The following CACNA2D3 variants were observed in gnomAD, a reference collection of about 807,000 sequenced individuals.
CACNA2D3 encodes the protein calcium voltage-gated channel auxiliary subunit alpha2delta 3, also known as voltage-dependent calcium channel subunit alpha-2/delta-3.
Under a neutral mutation model 160.6 loss-of-function variants are expected in CACNA2D3, and 60 were observed. That is an observed-to-expected ratio of 0.37 (90% CI 0.30 to 0.46). The LOEUF (loss-of-function observed/expected upper bound fraction) is 0.46, where lower values mean the gene tolerates loss of function less well. Among genes scored for constraint, CACNA2D3 ranks in the 20% least tolerant of loss-of-function variants. CACNA2D3 has a pLI of 1.00. For missense variants in CACNA2D3, 1,205 were observed against 1,365.0 expected, an observed-to-expected ratio of 0.88 and a Z score of 1.85; for synonymous variants, 558 against 492.9, an observed-to-expected ratio of 1.13 and a Z score of -1.75.
At chr3:54,363,183 G>A (rs1698772588) in intron 3 of CACNA2D3, among the ~76,000 whole-genome samples, 1 of 150,620 alleles carries the variant, frequency 6.6e-6, no homozygotes. Context: ...GATAGAGCGA[G>A]ACTCCATCTC....
chr3:54,766,703 A>G (rs1483657176), intron 13 of CACNA2D3, among the ~76,000 whole-genome samples: 1 of 152,158 alleles, frequency 6.6e-6, no homozygotes, highest in Non-Finnish European at 1.5e-5. Flanking sequence ...ATGCCCAAAC[A>G]TAAGAGATTG....
chr3:55,027,209 G>A (rs753530820), intron 35 of CACNA2D3, among the ~76,000 whole-genome samples: 2 of 152,132 alleles, frequency 1.3e-5, no homozygotes, highest in Non-Finnish European at 2.9e-5. Flanking sequence ...ATATAAAAAA[G>A]GACCCATAAA....
intron 31 of CACNA2D3, 36 bp downstream of exon 31, chr3:54,987,789 AGTT>A: frequency 6.7e-6 from 10 of 1,489,826 alleles, no homozygotes; most frequent in Non-Finnish European, 9.1e-6. Flanking sequence ...TCCCCCCAAA[AGTT>A]TTCCTAAATA....
chr3:54,878,467 C>G (rs1002935347), intron 18 of CACNA2D3, among the ~76,000 whole-genome samples: 5 of 152,042 alleles, frequency 3.3e-5, no homozygotes, highest in African/African-American at 9.7e-5. Flanking sequence ...CGCTCCTGTT[C>G]ACTGCCTCAT....
chr3:54,610,167 A>G (rs1698719508), intron 9 of CACNA2D3, among the ~76,000 whole-genome samples: 1 of 152,170 alleles, frequency 6.6e-6, no homozygotes, highest in African/African-American at 2.4e-5. Flanking sequence ...CAGTGACCTC[A>G]TATTAACTTA....
intron 35 of CACNA2D3, among the ~76,000 whole-genome samples, chr3:55,045,152 G>A (rs1704047831): frequency 6.6e-6 from 1 of 152,140 alleles, no homozygotes; most frequent in African/African-American, 2.4e-5. Flanking sequence ...AGGTTCAAGT[G>A]ATTCTCCTGC....
chr3:54,803,261 C>T (rs552862113), intron 13 of CACNA2D3, among the ~76,000 whole-genome samples: 9 of 152,206 alleles, frequency 5.9e-5, no homozygotes, highest in Non-Finnish European at 1.3e-4. Context: ...CAAACTACTC[C>T]GAGCTACAGG....
At chr3:54,759,379 A>G (rs1396566566) in intron 12 of CACNA2D3, among the ~76,000 whole-genome samples, 1 of 152,070 alleles carries the variant, frequency 6.6e-6, no homozygotes, top group East Asian at 1.9e-4. Flanking sequence ...ACAGAGGGAA[A>G]ACAAGGGAAG....
At chr3:55,059,422 C>A (rs1239612594) in intron 35 of CACNA2D3, among the ~76,000 whole-genome samples, 4 of 152,210 alleles carry the variant, frequency 2.6e-5, no homozygotes, top group Non-Finnish European at 4.4e-5. Flanking sequence ...TCTGACCCCC[C>A]TCGCAGGAAG....
At chr3:54,855,839 C>T (rs1332488733) in intron 17 of CACNA2D3, among the ~76,000 whole-genome samples, 3 of 152,212 alleles carry the variant, frequency 2.0e-5, no homozygotes, top group African/African-American at 4.8e-5. Context: ...ATCCCAAAGT[C>T]TGGGAACCAC....
intron 25 of CACNA2D3, chr3:54,894,731 GT>G: frequency 2.2e-6 from 1 of 460,866 alleles, no homozygotes; most frequent in Non-Finnish European, 4.4e-6. Context: ...CACCGTCCAG[GT>G]CAGGTTTATG....
intron 5 of CACNA2D3, among the ~76,000 whole-genome samples, chr3:54,557,589 A>G (rs1702259951): frequency 6.6e-6 from 1 of 152,164 alleles, no homozygotes; most frequent in Non-Finnish European, 1.5e-5. Flanking sequence ...CTTTTTGTGG[A>G]AGGTTTTTAT....
chr3:54,707,050 T>G (rs931521856), intron 11 of CACNA2D3, among the ~76,000 whole-genome samples: 3 of 152,186 alleles, frequency 2.0e-5, no homozygotes, highest in Non-Finnish European at 2.9e-5. Context: ...TACAAAATCC[T>G]TAATCTAAGT....
At chr3:54,553,719 A>G (rs1702195678) in intron 5 of CACNA2D3, among the ~76,000 whole-genome samples, 1 of 152,186 alleles carries the variant, frequency 6.6e-6, no homozygotes, top group Non-Finnish European at 1.5e-5. Context: ...AGTTCTGCTA[A>G]TTCGGTGGAG....
At chr3:55,066,942 G>A (rs759529887) in intron 35 of CACNA2D3, among the ~76,000 whole-genome samples, 22 of 152,114 alleles carry the variant, frequency 1.4e-4, no homozygotes, top group Admixed American at 1.4e-3. Flanking sequence ...TGTGTTTTAT[G>A]AAGTTCAACC....
At chr3:54,840,452 C>T (rs993011451) in intron 16 of CACNA2D3, among the ~76,000 whole-genome samples, 8 of 143,562 alleles carry the variant, frequency 5.6e-5, no homozygotes, top group Admixed American at 5.0e-4. Flanking sequence ...ACTCTGTGGC[C>T]CAGGCTGGAG....
chr3:54,467,974 C>A (rs764686089), intron 4 of CACNA2D3, among the ~76,000 whole-genome samples: 1 of 152,106 alleles, frequency 6.6e-6, no homozygotes, highest in Non-Finnish European at 1.5e-5. Context: ...GTCAAAACAT[C>A]ACATCATATT....
chr3:54,954,894 G>C (rs983874223), intron 27 of CACNA2D3, among the ~76,000 whole-genome samples: 15 of 152,270 alleles, frequency 9.9e-5, no homozygotes, highest in African/African-American at 3.6e-4. Flanking sequence ...CATGAGAGGC[G>C]CCGATTAACC....
intron 16 of CACNA2D3, 103 bp from the exon 17 acceptor site, chr3:54,846,290 G>T: frequency 1.5e-6 from 1 of 665,666 alleles, no homozygotes; most frequent in South Asian, 2.0e-5. Flanking sequence ...GGTTATGAAT[G>T]ACAAGTTAAA....
Sources: allele counts gnomAD v4.1 joint callset (sites outside exome capture counted in the v4.1 genomes callset), GRCh38; gene constraint gnomAD v4.1.1; transcripts MANE v1.5; gene names NCBI Gene and HGNC (gene_info 2026-07-23, HGNC 2026-07-21).